Variants in TAS2R1 observed in about 807,000 individuals in gnomAD.
The protein encoded by TAS2R1 is taste 2 receptor member 1, also known as taste receptor type 2 member 1.
For missense variants in TAS2R1, 370 were observed against 353.4 expected, an observed-to-expected ratio of 1.05 and a Z score of -0.38; for synonymous variants, 141 against 134.2, an observed-to-expected ratio of 1.05 and a Z score of -0.35.
intron 1 of TAS2R1, among the ~76,000 whole-genome samples, chr5:9,673,507 G>A (rs1333218755): frequency 6.6e-6 from 1 of 151,674 alleles, no homozygotes; most frequent in Non-Finnish European, 1.5e-5. Flanking sequence ...TATCTAAGTG[G>A]CTTCTTTAAA....
chr5:9,736,040 A>G, the TAS2R1 span, among the ~76,000 whole-genome samples: 3 of 152,170 alleles, frequency 2.0e-5, no homozygotes, highest in Non-Finnish European at 4.4e-5. Context: ...CTCATAGAGT[A>G]TCTCGTGCTG....
upstream of TAS2R1, among the ~76,000 whole-genome samples, chr5:9,634,671 T>A (rs573900795): frequency 6.6e-6 from 1 of 152,212 alleles, no homozygotes; most frequent in South Asian, 2.1e-4. Context: ...CCTCCTTGGT[T>A]AGGTATATTC....
chr5:9,752,792 T>C, the TAS2R1 span, among the ~76,000 whole-genome samples: 36 of 148,244 alleles, frequency 2.4e-4, no homozygotes, highest in African/African-American at 8.2e-4. Flanking sequence ...AGTGAGAACA[T>C]GCGGTGTTTA....
chr5:9,668,790 C>G (rs1327009982), intron 1 of TAS2R1, among the ~76,000 whole-genome samples: 2 of 152,042 alleles, frequency 1.3e-5, no homozygotes, highest in Non-Finnish European at 2.9e-5. Context: ...AAGACCATTA[C>G]TAGCTAGCAC....
chr5:9,703,010 T>G (rs1359498011), intron 1 of TAS2R1, among the ~76,000 whole-genome samples: 1 of 152,166 alleles, frequency 6.6e-6, no homozygotes, highest in Non-Finnish European at 1.5e-5. Flanking sequence ...CTTCACACCT[T>G]AAAGAAAAAA....
chr5:9,768,210 T>C, the TAS2R1 span, among the ~76,000 whole-genome samples: 1 of 152,314 alleles, frequency 6.6e-6, no homozygotes, highest in East Asian at 1.9e-4. Context: ...AGTCTGCACA[T>C]GGCTGGCATC....
In TAS2R1 at chr5:9,629,767, T is replaced by C. The variant is rs200282241; in HGVS notation, c.266A>G (p.Asn89Ser). The C allele has an allele frequency of 7.0e-5, 113 of 1,613,762 alleles. No homozygotes were observed. In the Middle Eastern group the frequency reaches 8.2e-4, roughly 12 times the overall value. Residue 89 changes from asparagine (N) to serine (S), a missense_variant, in exon 1 of 1, where the codon AAT becomes AGT. Coordinates refer to ENST00000382492, the MANE Select transcript of TAS2R1 (RefSeq NM_019599.3). Reference protein sequence around the residue: ...SANCAILLFINELELWLATWL... With the variant: ...SANCAILLFISELELWLATWL... ...TGTGGCAAGCCAAAGTTCCAATTCA[T>C]TTATAAATAAGAGAATTGCACAATT... is the stretch of plus-strand genomic sequence containing the variant.
At chr5:9,708,283 T>C (rs1741663437) in intron 1 of TAS2R1, among the ~76,000 whole-genome samples, 1 of 152,196 alleles carries the variant, frequency 6.6e-6, no homozygotes, top group South Asian at 2.1e-4. Flanking sequence ...CACTTTCTTT[T>C]GGTTCTCAAG....
At chr5:9,637,591 A>G (rs1739988956) in intron 2 of TAS2R1, among the ~76,000 whole-genome samples, 1 of 152,088 alleles carries the variant, frequency 6.6e-6, no homozygotes, top group East Asian at 1.9e-4. Context: ...TTTTAACATA[A>G]TCCCAAATTT....
chr5:9,779,656 C>T, the TAS2R1 span, among the ~76,000 whole-genome samples: 85 of 152,296 alleles, frequency 5.6e-4, no homozygotes, highest in East Asian at 0.012. Context: ...GTTTGTGATG[C>T]TTCCAAACAA....
the TAS2R1 span, among the ~76,000 whole-genome samples, chr5:9,812,042 T>C: frequency 1.3e-5 from 2 of 152,112 alleles, no homozygotes; most frequent in South Asian, 4.1e-4. Context: ...TCAGAGAGAC[T>C]TTCTCTCCCA....
At chr5:9,638,684 C>T (rs910260205) in intron 2 of TAS2R1, among the ~76,000 whole-genome samples, 16 of 152,118 alleles carry the variant, frequency 1.1e-4, no homozygotes, top group African/African-American at 3.4e-4. Context: ...ATAAAGCTCC[C>T]AAGAATTTCT....
chr5:9,890,015 A>C, the TAS2R1 span: 1 of 152,230 alleles, frequency 6.6e-6, no homozygotes, highest in African/African-American at 2.4e-5. Flanking sequence ...TCGGGGCTAA[A>C]GATATAAATC....
the TAS2R1 span, among the ~76,000 whole-genome samples, chr5:9,788,382 T>C: frequency 6.6e-6 from 1 of 152,140 alleles, no homozygotes; most frequent in Non-Finnish European, 1.5e-5. Flanking sequence ...GCACGGATGG[T>C]CTCTATCCAT....
chr5:9,769,218 T>C, the TAS2R1 span, among the ~76,000 whole-genome samples: 1 of 152,202 alleles, frequency 6.6e-6, no homozygotes, highest in South Asian at 2.1e-4. Flanking sequence ...TGACCTCTAG[T>C]TCCATTTATG....
chr5:9,669,705 G>C (rs1295826919), intron 1 of TAS2R1, among the ~76,000 whole-genome samples: 1 of 152,098 alleles, frequency 6.6e-6, no homozygotes, highest in Non-Finnish European at 1.5e-5. Flanking sequence ...GAAATTCTTT[G>C]AAACTAATGA....
At chr5:9,757,915 TC>T in the TAS2R1 span, among the ~76,000 whole-genome samples, 249 of 140,324 alleles carry the variant, frequency 1.8e-3, 1 homozygote, top group African/African-American at 5.4e-3. Flanking sequence ...GCTATTTTTT[TC>T]ATGAGAAAAA....
At chr5:9,827,876 A>G in the TAS2R1 span, among the ~76,000 whole-genome samples, 1 of 152,164 alleles carries the variant, frequency 6.6e-6, no homozygotes, top group East Asian at 1.9e-4. Flanking sequence ...ATAAAATCCA[A>G]GTTTATGTAC....
upstream of TAS2R1, among the ~76,000 whole-genome samples, chr5:9,630,767 C>T (rs868140033): frequency 1.3e-5 from 2 of 152,144 alleles, no homozygotes; most frequent in African/African-American, 4.8e-5. Flanking sequence ...GGGTTAAAAT[C>T]TTTTCTCTCT....
Sources: allele counts gnomAD v4.1 joint callset (sites outside exome capture counted in the v4.1 genomes callset), GRCh38; gene constraint gnomAD v4.1.1; transcripts MANE v1.5; gene names NCBI Gene and HGNC (gene_info 2026-07-23, HGNC 2026-07-21).